KCNB2: variants seen among roughly 807,000 people sequenced by gnomAD.
KCNB2 encodes the protein delayed rectifier potassium channel protein.
KCNB2 carries 15 observed loss-of-function variants against 61.5 expected under a neutral mutation model. The observed-to-expected ratio is 0.24, with a 90% confidence interval of 0.16 to 0.38. KCNB2 has a LOEUF of 0.38. KCNB2 is among the 10% of genes least tolerant of loss of function. KCNB2 has a pLI of 1.00. For synonymous variants in KCNB2, 457 were observed against 446.0 expected, an observed-to-expected ratio of 1.02 and a Z score of -0.31; for missense variants, 828 against 1,125.2, an observed-to-expected ratio of 0.74 and a Z score of 3.78.
intron 2 of KCNB2, among the ~76,000 whole-genome samples, chr8:72,692,278 A>T (rs1011570203): frequency 6.6e-6 from 1 of 151,322 alleles, no homozygotes; most frequent in Non-Finnish European, 1.5e-5. Flanking sequence ...TATATTTTGT[A>T]CATCTTTGTC....
intron 2 of KCNB2, among the ~76,000 whole-genome samples, chr8:72,896,642 G>A (rs1805994001): frequency 6.6e-6 from 1 of 152,038 alleles, no homozygotes; most frequent in African/African-American, 2.4e-5. Flanking sequence ...GTGCTAAATT[G>A]TTAGATCAAA....
chr8:72,616,539 G>C (rs751321547), intron 2 of KCNB2, among the ~76,000 whole-genome samples: 1 of 152,000 alleles, frequency 6.6e-6, no homozygotes, highest in African/African-American at 2.4e-5. Context: ...GTGGTTCTAA[G>C]GGTTCATCAA....
At chr8:72,838,426 T>C (rs1468353367) in intron 2 of KCNB2, among the ~76,000 whole-genome samples, 1 of 152,236 alleles carries the variant, frequency 6.6e-6, no homozygotes, top group East Asian at 1.9e-4. Context: ...TCCATGTCCC[T>C]GCAAAGGACA....
At chr8:72,910,330 G>A (rs899314637) in intron 2 of KCNB2, among the ~76,000 whole-genome samples, 5 of 152,102 alleles carry the variant, frequency 3.3e-5, no homozygotes, top group Non-Finnish European at 5.9e-5. Flanking sequence ...ATCTACCCTG[G>A]AAATGTAGAT....
chr8:72,642,750 G>A (rs987648079), intron 2 of KCNB2, among the ~76,000 whole-genome samples: 9 of 152,098 alleles, frequency 5.9e-5, no homozygotes, highest in Non-Finnish European at 1.0e-4. Context: ...AAAACTGCTC[G>A]CTGCTGCTTC....
chr8:72,561,739 A>T lies in KCNB2; in HGVS notation c.-93-5903A>T, dbSNP rs541508480. Reference sequence around the variant, plus strand: ...TATATATATATATATCTATATCTATATATATATGTATATATATATATGGAT... The same window carrying T: ...TATATATATATATATCTATATCTATTTATATATGTATATATATATATGGAT... On this transcript the variant is annotated intron_variant, in intron 1 of 2. Transcript: ENST00000523207. 1.6e-4 allele frequency among the ~76,000 whole-genome samples: 4 copies of T among 24,690 alleles called. 1 individual carries two copies. The highest frequency in any genetic ancestry group is 1.3e-3 in the African/African-American group (4 of 3,012). The allele number at this position is 24,690 out of a possible 152,430, so 16.2% of individuals were successfully genotyped here. A position where few individuals can be genotyped will look rare whatever the true frequency, so the allele number is the denominator to read the frequency against.
At chr8:72,633,972 G>A (rs575687832) in intron 2 of KCNB2, among the ~76,000 whole-genome samples, 47 of 135,950 alleles carry the variant, frequency 3.5e-4, no homozygotes, top group African/African-American at 1.1e-3. Context: ...GAGCCAAGGA[G>A]TCAGACTGGA....
chr8:72,814,014 A>C (rs571117556), intron 2 of KCNB2, among the ~76,000 whole-genome samples: 1 of 151,392 alleles, frequency 6.6e-6, no homozygotes, highest in East Asian at 1.9e-4. Flanking sequence ...CCTACAACCC[A>C]CCCCATGACA....
intron 1 of KCNB2, among the ~76,000 whole-genome samples, chr8:72,543,041 G>A (rs183209429): frequency 1.4e-4 from 21 of 152,248 alleles, no homozygotes; most frequent in African/African-American, 4.8e-4. Flanking sequence ...AGAAAATACA[G>A]TTGCTTTGAA....
rs200773056 is a variant in KCNB2 at position 72,937,491 on chromosome 8, C to A, written c.2136C>A (p.Ser712=). The change falls in exon 3 of 3, where the codon TCC becomes TCA. Residue 712 remains serine (S), a synonymous_variant. Transcript: ENST00000523207. ...TAAAAGGCAGCAACCCACTAAAGTC[C>A]AGATCCCTCAAAGTGAACTTTAAGG... The part of the protein sequence containing the change: ...SSLKGSNPLK[S]RSLKVNFKEN... 6.2e-7 allele frequency: 1 copy of A among 1,613,946 alleles called. No individual in the cohort carries two copies. Among genetic ancestry groups the A allele is most frequent in the East Asian group, 2.2e-5 (1 of 44,832 alleles).
At chr8:72,696,033 G>A (rs548749820) in intron 2 of KCNB2, among the ~76,000 whole-genome samples, 2 of 152,326 alleles carry the variant, frequency 1.3e-5, no homozygotes, top group South Asian at 2.1e-4. Context: ...TTCCTAAAGC[G>A]ATTTAGTAAC....
intron 2 of KCNB2, among the ~76,000 whole-genome samples, chr8:72,719,489 G>C (rs1291691980): frequency 6.6e-6 from 1 of 151,966 alleles, no homozygotes; most frequent in Non-Finnish European, 1.5e-5. Context: ...TTGCTAAATA[G>C]ATTTCTTTAG....
Position 72,693,336 on chromosome 8 carries a change from G to A in KCNB2, c.579+125023G>A, listed in dbSNP as rs59760515. Among the ~76,000 whole-genome samples, 22 of 152,226 alleles carry A rather than the reference G, an allele frequency of 1.4e-4. No individual in the cohort carries two copies. The East Asian group carries it at 3.9e-3, about 27-fold the overall frequency. On this transcript the variant is annotated intron_variant, in intron 2 of 2. Transcript: ENST00000523207. The stretch of plus-strand genomic sequence containing the variant: ...AGTGGAGACCACTCCTTTGGTGCAC[G>A]GATGTCCTTTTGCAAAAGCACTCCT...
chr8:72,729,885 C>CA (rs879936863), intron 2 of KCNB2, among the ~76,000 whole-genome samples: 117 of 134,960 alleles, frequency 8.7e-4, no homozygotes, highest in South Asian at 2.4e-3. Context: ...AACTCCGTCT[C>CA]AAAAAAAAAA....
At chr8:72,598,593 C>T (rs1563534599) in intron 2 of KCNB2, among the ~76,000 whole-genome samples, 2 of 152,156 alleles carry the variant, frequency 1.3e-5, no homozygotes, top group Non-Finnish European at 2.9e-5. Context: ...GTTGGAAGTT[C>T]TGGCCAGGGC....
chr8:72,689,181 C>A (rs1806903027), intron 2 of KCNB2, among the ~76,000 whole-genome samples: 1 of 152,062 alleles, frequency 6.6e-6, no homozygotes, highest in South Asian at 2.1e-4. Context: ...TGTAATTGTT[C>A]ATCAATAAAT....
At chr8:72,729,417 C>T (rs1412706822) in intron 2 of KCNB2, among the ~76,000 whole-genome samples, 2 of 152,156 alleles carry the variant, frequency 1.3e-5, no homozygotes, top group Admixed American at 1.3e-4. Flanking sequence ...ATTTCCTGAC[C>T]ATACACGGGT....
chr8:72,655,383 C>T (rs895409263), intron 2 of KCNB2, among the ~76,000 whole-genome samples: 1 of 151,912 alleles, frequency 6.6e-6, no homozygotes, highest in South Asian at 2.1e-4. Context: ...AACCTGTACA[C>T]CAGAGCCCTG....
chr8:72,623,872 G>T (rs1805749028), intron 2 of KCNB2, among the ~76,000 whole-genome samples: 2 of 152,174 alleles, frequency 1.3e-5, no homozygotes, highest in Non-Finnish European at 1.5e-5. Context: ...TGGCCCCAAA[G>T]ACAGGCTCTC....
Sources: allele counts gnomAD v4.1 joint callset (sites outside exome capture counted in the v4.1 genomes callset), GRCh38; gene constraint gnomAD v4.1.1; transcripts MANE v1.5; gene names NCBI Gene and HGNC (gene_info 2026-07-23, HGNC 2026-07-21).